PXDNL: variants seen among roughly 807,000 people sequenced by gnomAD.
The protein encoded by PXDNL is probable oxidoreductase PXDNL.
In PXDNL, 145 loss-of-function variants were observed where a neutral mutation model predicts 150.8. The observed-to-expected ratio is 0.96, with a 90% CI of 0.84 to 1.10. The LOEUF (loss-of-function observed/expected upper bound fraction) is 1.10, where lower values mean the gene tolerates loss of function less well. Among genes scored for constraint, PXDNL ranks in the 50% least tolerant of loss-of-function variants. PXDNL has a pLI of 0.00. For missense variants in PXDNL, 2,087 were observed against 1,873.9 expected, an observed-to-expected ratio of 1.11 and a Z score of -2.10; for synonymous variants, 757 against 725.7, an observed-to-expected ratio of 1.04 and a Z score of -0.69.
intron 4 of PXDNL, among the ~76,000 whole-genome samples, chr8:51,551,891 C>T (rs926185665): frequency 2.6e-5 from 4 of 152,146 alleles, no homozygotes; most frequent in East Asian, 1.9e-4. Flanking sequence ...AAAGACAGCC[C>T]ACAGAGTGGG....
At chr8:51,613,673 G>A (rs1381814693) in intron 2 of PXDNL, among the ~76,000 whole-genome samples, 3 of 151,992 alleles carry the variant, frequency 2.0e-5, no homozygotes, top group African/African-American at 7.3e-5. Flanking sequence ...CACTTCCTCA[G>A]GTTGTCTCTA....
intron 1 of PXDNL, among the ~76,000 whole-genome samples, chr8:51,682,502 A>C (rs915326095): frequency 6.6e-6 from 1 of 152,140 alleles, no homozygotes; most frequent in African/African-American, 2.4e-5. Flanking sequence ...GTATGCATTC[A>C]GGGCCCTCTG....
intron 19 of PXDNL, among the ~76,000 whole-genome samples, chr8:51,361,055 A>G (rs2915489): frequency 0.8 from 121,522 of 152,234 alleles, 48,667 homozygotes; most frequent in East Asian, 0.97. Context: ...ACCAAGTGAG[A>G]TCCCTGCCAG....
Position 51,374,724 on chromosome 8 carries a change from C to T in PXDNL, c.3565G>A (p.Gly1189Ser), listed in dbSNP as rs371171299. The change falls in exon 18 of 23, where the codon GGC becomes AGC. Residue 1189 changes from glycine to serine, a missense_variant. Physicochemically the swap from Gly to Ser is moderately conservative, Grantham distance 56 (BLOSUM62 0). Coordinates refer to ENST00000356297, the MANE Select transcript of PXDNL (RefSeq NM_144651.5). ...CAGAGGTCAATGTCACCTGGAGAGCCGTACAACCTGGAACAGAGACAGGCA... is the reference window on the plus strand; with the variant it reads ...CAGAGGTCAATGTCACCTGGAGAGCTGTACAACCTGGAACAGAGACAGGCA... ...EIRQKLRKLY[G>S]SPGDIDLWPA... The T allele has an allele frequency of 1.4e-5, 22 of 1,613,488 alleles. No individual in the cohort carries two copies. In the African/African-American group the frequency reaches 2.5e-4, roughly 19 times the overall value.
chr8:51,550,202 A>G (rs1812450557), intron 4 of PXDNL, among the ~76,000 whole-genome samples: 1 of 151,968 alleles, frequency 6.6e-6, no homozygotes, highest in East Asian at 1.9e-4. Context: ...ATTGCCAACA[A>G]CAACAACAAA....
chr8:51,641,235 C>T (rs1243003055), intron 2 of PXDNL, among the ~76,000 whole-genome samples: 4 of 120,506 alleles, frequency 3.3e-5, no homozygotes, highest in South Asian at 4.8e-4. Flanking sequence ...AACGTTAGAC[C>T]TAAACCATAA....
At chr8:51,467,775 TC>T (rs1810234885) in intron 8 of PXDNL, among the ~76,000 whole-genome samples, 1 of 152,070 alleles carries the variant, frequency 6.6e-6, no homozygotes. Context: ...TTTCTATTTC[TC>T]CCCAAGGTAA....
At chr8:51,626,978 T>A (rs985430213) in intron 2 of PXDNL, among the ~76,000 whole-genome samples, 2 of 152,182 alleles carry the variant, frequency 1.3e-5, no homozygotes, top group Non-Finnish European at 2.9e-5. Flanking sequence ...TTATATTGAA[T>A]CCATATTTTC....
intron 1 of PXDNL, among the ~76,000 whole-genome samples, chr8:51,807,557 CAAG>C (rs1489452332): frequency 2.0e-5 from 3 of 152,046 alleles, no homozygotes; most frequent in Admixed American, 1.3e-4. Flanking sequence ...ACTGTGACAC[CAAG>C]AAGTTAAGAA....
At chr8:51,407,729 T>A (rs1808476110) in intron 17 of PXDNL, among the ~76,000 whole-genome samples, 1 of 152,184 alleles carries the variant, frequency 6.6e-6, no homozygotes, top group South Asian at 2.1e-4. Context: ...TGAATTTATA[T>A]CGAATGTATG....
rs534658159 is a variant in PXDNL, at chr8:51,682,048, C to T, written c.165-27288G>A. 8.5e-5 allele frequency among the ~76,000 whole-genome samples: 13 copies of T among 152,152 alleles called. No homozygotes were observed. The Middle Eastern group carries it at 0.01, about 119-fold the overall frequency. On this transcript the variant is annotated intron_variant, in intron 1 of 22. Coordinates refer to ENST00000356297, the MANE Select transcript of PXDNL (RefSeq NM_144651.5). The stretch of plus-strand genomic sequence containing the variant: ...GTAGAATCATACCATTCAGAGATAA[C>T]TGCAAGAGGAAAGTGATTTTTACAT...
chr8:51,531,146 G>A (rs1435248484), intron 4 of PXDNL, among the ~76,000 whole-genome samples: 1 of 152,212 alleles, frequency 6.6e-6, no homozygotes, highest in Non-Finnish European at 1.5e-5. Context: ...TCTACAGGCA[G>A]AAAAATCTCC....
intron 7 of PXDNL, 36 bp from the exon 8 acceptor site, chr8:51,472,340 A>C: frequency 1.3e-6 from 2 of 1,488,242 alleles, no homozygotes; most frequent in Non-Finnish European, 1.9e-6. Flanking sequence ...TTTTTCAGAG[A>C]TACAAAATTA....
intron 1 of PXDNL, among the ~76,000 whole-genome samples, chr8:51,726,511 A>T (rs555177900): frequency 1.3e-3 from 195 of 152,342 alleles, no homozygotes; most frequent in African/African-American, 4.3e-3. Context: ...GACTATGCAA[A>T]CACACAGAAG....
intron 2 of PXDNL, among the ~76,000 whole-genome samples, chr8:51,608,018 A>AAAGAGAAAGAAAGAAAG (rs1813886619): frequency 1.5e-5 from 1 of 65,672 alleles, no homozygotes; most frequent in African/African-American, 8.3e-5. Flanking sequence ...AGAAAGAAAG[A>AAAGAGAAAGAAAGAAAG]AAGAAAGAAA....
chr8:51,706,206 G>A (rs577532281), intron 1 of PXDNL, among the ~76,000 whole-genome samples: 37 of 152,140 alleles, frequency 2.4e-4, no homozygotes, highest in Non-Finnish European at 2.8e-4. Context: ...AGTTACTCGG[G>A]AGACTGAGGC....
intron 2 of PXDNL, among the ~76,000 whole-genome samples, chr8:51,609,511 T>C (rs1585618996): frequency 6.6e-6 from 1 of 152,116 alleles, no homozygotes; most frequent in East Asian, 1.9e-4. Flanking sequence ...ATTAACAGGG[T>C]AAATTCAGAA....
At chr8:51,779,209 G>C (rs1242538796) in intron 1 of PXDNL, among the ~76,000 whole-genome samples, 2 of 152,216 alleles carry the variant, frequency 1.3e-5, no homozygotes, top group African/African-American at 4.8e-5. Flanking sequence ...CAAGCTCTGT[G>C]TGATTAAAAC....
intron 5 of PXDNL, among the ~76,000 whole-genome samples, chr8:51,498,853 A>G (rs963300003): frequency 1.3e-5 from 2 of 152,236 alleles, no homozygotes; most frequent in Non-Finnish European, 2.9e-5. Context: ...TTCAGCGTTT[A>G]GATTATTATT....
Sources: allele counts gnomAD v4.1 joint callset (sites outside exome capture counted in the v4.1 genomes callset), GRCh38; gene constraint gnomAD v4.1.1; transcripts MANE v1.5; gene names NCBI Gene and HGNC (gene_info 2026-07-23, HGNC 2026-07-21).